BBX: variants seen among roughly 807,000 people sequenced by gnomAD.
BBX encodes the protein BBX high mobility group box domain containing.
BBX carries 30 observed loss-of-function variants against 100.2 expected under a neutral mutation model. The observed-to-expected ratio is 0.30, with a 90% CI of 0.22 to 0.41. The LOEUF (loss-of-function observed/expected upper bound fraction) is 0.41, where lower values mean the gene tolerates loss of function less well. BBX is among the 10% of genes least tolerant of loss of function. The pLI, the probability that BBX is intolerant of heterozygous loss-of-function variation, is 1.00. For synonymous variants in BBX, 376 were observed against 388.1 expected, an observed-to-expected ratio of 0.97 and a Z score of 0.37; for missense variants, 1,023 against 1,129.8, an observed-to-expected ratio of 0.91 and a Z score of 1.35.
At chr3:107,759,141 T>C (rs1274189212) in intron 10 of BBX, among the ~76,000 whole-genome samples, 1 of 152,332 alleles carries the variant, frequency 6.6e-6, no homozygotes, top group South Asian at 2.1e-4. Context: ...CTCCCAACTT[T>C]AGCGTTGTAA....
At chr3:107,676,279 G>C (rs1015519936) in intron 3 of BBX, among the ~76,000 whole-genome samples, 9 of 152,064 alleles carry the variant, frequency 5.9e-5, no homozygotes, top group Non-Finnish European at 1.2e-4. Context: ...TAAACATTTG[G>C]TTGGATATCA....
At chr3:107,681,373 G>C (rs1279652057) in intron 3 of BBX, among the ~76,000 whole-genome samples, 2 of 152,010 alleles carry the variant, frequency 1.3e-5, no homozygotes, top group Non-Finnish European at 2.9e-5. Context: ...AATTTATATA[G>C]TGCAGTGATT....
At chr3:107,757,887 ACACATT>A (rs1231150920) in intron 10 of BBX, among the ~76,000 whole-genome samples, 6 of 152,230 alleles carry the variant, frequency 3.9e-5, no homozygotes, top group Non-Finnish European at 8.8e-5. Flanking sequence ...CCTTAAATTC[ACACATT>A]CTAAAGGGAA....
chr3:107,591,270 TTTCCAATAAGC>T (rs2053286259), intron 2 of BBX, among the ~76,000 whole-genome samples: 1 of 152,148 alleles, frequency 6.6e-6, no homozygotes, highest in African/African-American at 2.4e-5. Context: ...TTAGATAAGT[TTTCCAATAAGC>T]TCCTTAACAT....
chr3:107,801,324 G>A (rs201375093), intron 17 of BBX, 43 bp downstream of exon 17: 53 of 1,587,850 alleles, frequency 3.3e-5, no homozygotes, highest in Non-Finnish European at 4.5e-5. Context: ...ATGGAAACCA[G>A]ATCAACCTCT....
At chr3:107,740,661 C>G (rs1041628115) in intron 7 of BBX, among the ~76,000 whole-genome samples, 2 of 152,054 alleles carry the variant, frequency 1.3e-5, no homozygotes, top group African/African-American at 2.4e-5. Context: ...TCTTCAGCCA[C>G]ACTGAGAAAG....
chr3:107,685,829 G>A (rs181601817), intron 3 of BBX, among the ~76,000 whole-genome samples: 1 of 152,292 alleles, frequency 6.6e-6, no homozygotes, highest in Admixed American at 6.5e-5. Flanking sequence ...TTGTTGGTAT[G>A]TACCTTTTCT....
In BBX at chr3:107,710,464, A is replaced by G. The variant is rs2061646485; in HGVS notation, c.4A>G (p.Lys2Glu). 3.1e-6 allele frequency: 5 copies of G among 1,611,926 alleles called. No homozygotes were observed. The highest frequency in any genetic ancestry group is 4.2e-6 in the Non-Finnish European group (5 of 1,178,714). Residue 2 changes from lysine (K) to glutamate (E), a missense_variant, in exon 4 of 18, where the codon AAA becomes GAA. Lys to Glu is a moderately conservative substitution (Grantham distance 56, BLOSUM62 1). Transcript: ENST00000325805. ...CTTCCTATTACAGGTCACAGTAATG[A>G]AAGGCAGTAATAGAAATAAGGATCA... M[K>E]GSNRNKDHSA...
At chr3:107,634,321 C>A (rs2056730000) in intron 2 of BBX, among the ~76,000 whole-genome samples, 1 of 152,160 alleles carries the variant, frequency 6.6e-6, no homozygotes, top group East Asian at 1.9e-4. Flanking sequence ...CCTCTTAGTC[C>A]TCTCCTCTAC....
At chr3:107,690,147 A>G (rs1053508263) in intron 3 of BBX, among the ~76,000 whole-genome samples, 4 of 152,236 alleles carry the variant, frequency 2.6e-5, no homozygotes, top group African/African-American at 9.6e-5. Context: ...AAAGTGCTTT[A>G]TCATAAAAAA....
intron 2 of BBX, among the ~76,000 whole-genome samples, chr3:107,618,691 T>C (rs1483450466): frequency 6.6e-6 from 1 of 151,908 alleles, no homozygotes; most frequent in East Asian, 1.9e-4. Context: ...TGTGTTGGGG[T>C]ATTTTCCTGT....
At chr3:107,640,548 G>T (rs1190200290) in intron 2 of BBX, among the ~76,000 whole-genome samples, 1 of 152,016 alleles carries the variant, frequency 6.6e-6, no homozygotes, top group Admixed American at 6.6e-5. Context: ...TTACCATTTT[G>T]ACATTTATTA....
intron 2 of BBX, among the ~76,000 whole-genome samples, chr3:107,617,819 A>T (rs1488397447): frequency 6.6e-6 from 1 of 151,954 alleles, no homozygotes; most frequent in Non-Finnish European, 1.5e-5. Context: ...TGTATAGATT[A>T]TCATGTCATC....
chr3:107,542,571 C>G (rs1281045629), intron 2 of BBX, among the ~76,000 whole-genome samples: 1 of 152,164 alleles, frequency 6.6e-6, no homozygotes, highest in Non-Finnish European at 1.5e-5. Context: ...AGCAGAGTTC[C>G]TCTTCACCCT....
At chr3:107,713,967 CTTTTT>C (rs569427270) in intron 4 of BBX, among the ~76,000 whole-genome samples, 23 of 82,314 alleles carry the variant, frequency 2.8e-4, no homozygotes, top group Non-Finnish European at 5.4e-4. Context: ...TAATTTTTTT[CTTTTT>C]TTTTTTTTTT....
At chr3:107,769,684 AG>A (rs765582895) in intron 10 of BBX, among the ~76,000 whole-genome samples, 12 of 152,144 alleles carry the variant, frequency 7.9e-5, no homozygotes, top group African/African-American at 1.2e-4. Flanking sequence ...ATGTGGCTTC[AG>A]GGAACAGAAC....
intron 2 of BBX, among the ~76,000 whole-genome samples, chr3:107,627,866 G>C (rs2056298475): frequency 6.6e-6 from 1 of 151,920 alleles, no homozygotes; most frequent in African/African-American, 2.4e-5. Context: ...TTTAGTATCT[G>C]AAAGAGTTGC....
chr3:107,716,564 C>A (rs2062122111), intron 4 of BBX, 43 bp from the exon 5 acceptor site: 1 of 1,590,118 alleles, frequency 6.3e-7, no homozygotes, highest in Non-Finnish European at 8.6e-7. Context: ...TCAAAATTAT[C>A]CAAAATATGT....
chr3:107,663,472 C>T (rs961361892), intron 3 of BBX, among the ~76,000 whole-genome samples: 22 of 152,120 alleles, frequency 1.4e-4, no homozygotes, highest in Non-Finnish European at 2.1e-4. Context: ...CCACAGTGTG[C>T]CCCACCCAGA....
Sources: gnomAD v4.1 joint callset for allele counts (sites outside exome capture counted in the v4.1 genomes callset) on GRCh38, gnomAD v4.1.1 for gene constraint, MANE v1.5 for transcripts, NCBI Gene and HGNC (gene_info 2026-07-23, HGNC 2026-07-21) for gene names.